Variants in THSD7B observed in about 807,000 individuals in gnomAD.
THSD7B encodes thrombospondin type-1 domain-containing protein 7B.
THSD7B carries 138 observed loss-of-function variants against 213.6 expected under a neutral mutation model. That is an observed-to-expected ratio of 0.65 (90% confidence interval 0.56 to 0.74). The LOEUF (loss-of-function observed/expected upper bound fraction) is 0.74. Among genes scored for constraint, THSD7B ranks in the 30% least tolerant of loss-of-function variants. The pLI, the probability that THSD7B is intolerant of heterozygous loss-of-function variation, is 0.00. For synonymous variants in THSD7B, 742 were observed against 687.0 expected (o/e 1.08, Z -1.25); for missense variants, 1,931 against 1,991.5 (o/e 0.97, Z 0.58).
intron 10 of THSD7B, among the ~76,000 whole-genome samples, chr2:137,266,448 A>G (rs185190072): frequency 3.7e-3 from 557 of 152,270 alleles, no homozygotes; most frequent in Admixed American, 6.1e-3. Context: ...AATCACCAGG[A>G]TGGGTTCAGT....
chr2:137,157,948 A>T (rs1304019465), intron 5 of THSD7B, among the ~76,000 whole-genome samples: 1 of 152,216 alleles, frequency 6.6e-6, no homozygotes, highest in African/African-American at 2.4e-5. Context: ...GTGAGAACAC[A>T]TGCTAACATG....
rs564209942 is a variant in THSD7B, at chr2:137,578,060, G to T, written c.3423+5504G>T. Among the ~76,000 whole-genome samples, 116 of 152,242 alleles carry T rather than the reference G, an allele frequency of 7.6e-4. 1 individual carries two copies. Among genetic ancestry groups the T allele is most frequent in the African/African-American group, 2.7e-3 (111 of 41,558 alleles). On this transcript the variant is annotated intron_variant, in intron 17 of 27. Transcript: ENST00000409968. ...AACCAACAGTTTTGATACTTTGGAT[G>T]AGTAGCATGGGACTCTGGTGATTGA...
intron 1 of THSD7B, among the ~76,000 whole-genome samples, chr2:136,825,565 C>G (rs1368565963): frequency 6.6e-6 from 1 of 151,498 alleles, no homozygotes; most frequent in Non-Finnish European, 1.5e-5. Context: ...TCCTCTCTTT[C>G]TTTTTTTTAG....
chr2:136,974,464 C>A (rs1685449055), intron 2 of THSD7B, among the ~76,000 whole-genome samples: 1 of 151,874 alleles, frequency 6.6e-6, no homozygotes, highest in Admixed American at 6.6e-5. Flanking sequence ...GTTTTCTGTT[C>A]CTGCATTGGT....
chr2:137,292,584 T>C (rs1683360370), intron 12 of THSD7B, among the ~76,000 whole-genome samples: 1 of 152,180 alleles, frequency 6.6e-6, no homozygotes, highest in Non-Finnish European at 1.5e-5. Flanking sequence ...ATTATAACAA[T>C]CCAATCTACT....
intron 2 of THSD7B, among the ~76,000 whole-genome samples, chr2:136,999,327 C>T (rs1685958923): frequency 6.6e-6 from 1 of 152,126 alleles, no homozygotes; most frequent in Admixed American, 6.6e-5. Context: ...TTTATCTAAC[C>T]TTTGCTAGAT....
At chr2:137,627,266 A>G (rs952946305) in intron 20 of THSD7B, among the ~76,000 whole-genome samples, 1 of 152,198 alleles carries the variant, frequency 6.6e-6, no homozygotes, top group Non-Finnish European at 1.5e-5. Context: ...TATGACCCAA[A>G]TACCTCCCAC....
chr2:137,674,723 G>A (rs1268347763), intron 27 of THSD7B, among the ~76,000 whole-genome samples: 10 of 152,102 alleles, frequency 6.6e-5, no homozygotes, highest in Admixed American at 6.6e-4. Flanking sequence ...TCTTGTTTTT[G>A]CATCTCCGCA....
chr2:136,844,383 A>G (rs1165438852), intron 1 of THSD7B, among the ~76,000 whole-genome samples: 1 of 151,720 alleles, frequency 6.6e-6, no homozygotes, highest in Non-Finnish European at 1.5e-5. Flanking sequence ...TGTCCTGCAT[A>G]TTGGATGCTG....
rs1331869318 is a variant in THSD7B at position 137,677,371 on chromosome 2, T to TTTAACA, written c.*767_*772dup. Reference sequence around the variant, plus strand: ...GATTATTTGATTACTAAAACTGTATTTTAACAAAAACTTATCCATGTAGAT... The same window carrying TTTAACA: ...GATTATTTGATTACTAAAACTGTATTTTAACATTAACAAAAACTTATCCATGTAGAT... On this transcript the variant is annotated 3_prime_UTR_variant, in exon 28 of 28. Coordinates refer to ENST00000409968, the MANE Select transcript of THSD7B (RefSeq NM_001316349.2). 1 of 152,308 alleles carries TTTAACA rather than the reference T, an allele frequency of 6.6e-6. No individual in the cohort carries two copies. The highest frequency in any genetic ancestry group is 2.4e-5 in the African/African-American group (1 of 41,456). The allele number at this position is 152,308 out of a possible 1,614,324, so 9.4% of individuals were successfully genotyped here.
Position 136,952,017 on chromosome 2 carries a change from G to A in THSD7B, c.139+69700G>A, listed in dbSNP as rs191094146. 3.5e-3 allele frequency among the ~76,000 whole-genome samples: 531 copies of A among 152,050 alleles called. 1 individual carries two copies. The highest frequency in any genetic ancestry group is 7.7e-3 in the South Asian group (37 of 4,814). ...CTTGAGTAGCTGGAACTACAGGCACGCACCATCACGCCCAGCTAATTTTTG... is the reference window on the plus strand; with the variant it reads ...CTTGAGTAGCTGGAACTACAGGCACACACCATCACGCCCAGCTAATTTTTG... On this transcript the variant is annotated intron_variant, in intron 2 of 27. Coordinates refer to ENST00000409968, the MANE Select transcript of THSD7B (RefSeq NM_001316349.2).
rs550741272 is a variant in THSD7B at position 137,239,272 on chromosome 2, T to C, written c.2151-3185T>C. Among the ~76,000 whole-genome samples, 32 of 152,292 alleles carry C rather than the reference T, an allele frequency of 2.1e-4. 2 individuals are homozygous for C. The South Asian group carries it at 6.2e-3, about 30-fold the overall frequency. On this transcript the variant is annotated intron_variant, in intron 9 of 27. Transcript: ENST00000409968. ...AGTACATTACCAAAGCCAGAAAATG[T>C]ATTTATATAGCACAACCACTTTTTA...
chr2:136,990,319 C>G (rs574317460), intron 2 of THSD7B, among the ~76,000 whole-genome samples: 73 of 152,296 alleles, frequency 4.8e-4, no homozygotes, highest in African/African-American at 1.7e-3. Context: ...ATAGATTGGT[C>G]TTTGGACAGA....
chr2:137,595,152 G>A (rs765672448), intron 17 of THSD7B, among the ~76,000 whole-genome samples: 6 of 151,930 alleles, frequency 3.9e-5, no homozygotes, highest in African/African-American at 1.4e-4. Flanking sequence ...CTTTCCGTAT[G>A]ATATTTTATC....
intron 15 of THSD7B, among the ~76,000 whole-genome samples, chr2:137,487,482 T>C (rs1471905901): frequency 7.8e-6 from 1 of 128,468 alleles, no homozygotes; most frequent in African/African-American, 3.0e-5. Context: ...CTGAAGGAAA[T>C]AGAGACACAA....
At chr2:137,425,224 A>C (rs1053581362) in intron 14 of THSD7B, among the ~76,000 whole-genome samples, 2 of 151,550 alleles carry the variant, frequency 1.3e-5, no homozygotes, top group Non-Finnish European at 1.5e-5. Context: ...TTTATTTTTT[A>C]TTTTTTCTTT....
At chr2:137,038,481 A>C (rs1686818211) in intron 2 of THSD7B, among the ~76,000 whole-genome samples, 1 of 152,208 alleles carries the variant, frequency 6.6e-6, no homozygotes, top group East Asian at 1.9e-4. Flanking sequence ...ACTCACAGGC[A>C]TCATTGCTGG....
At chr2:137,374,948 A>G (rs1685619041) in intron 12 of THSD7B, among the ~76,000 whole-genome samples, 1 of 152,166 alleles carries the variant, frequency 6.6e-6, no homozygotes. Context: ...TTGCCTCCTC[A>G]GGTTGTGCTT....
At chr2:137,459,758 G>A (rs545339062) in intron 15 of THSD7B, among the ~76,000 whole-genome samples, 9 of 152,062 alleles carry the variant, frequency 5.9e-5, no homozygotes, top group East Asian at 3.9e-4. Flanking sequence ...GATCATAACC[G>A]TTATTGGTCA....
Sources: gnomAD v4.1 joint callset for allele counts (sites outside exome capture counted in the v4.1 genomes callset) on GRCh38, gnomAD v4.1.1 for gene constraint, MANE v1.5 for transcripts, NCBI Gene and HGNC (gene_info 2026-07-23, HGNC 2026-07-21) for gene names.